Variants in VPS54 observed in about 807,000 individuals in gnomAD.
The protein encoded by VPS54 is VPS54 subunit of GARP complex, also known as vacuolar protein sorting-associated protein 54.
VPS54 carries 45 observed loss-of-function variants against 121.5 expected under a neutral mutation model. The ratio of observed to expected loss-of-function variants is 0.37; its 90% confidence interval spans 0.29 to 0.47. The LOEUF (loss-of-function observed/expected upper bound fraction) is 0.47. Among genes scored for constraint, VPS54 ranks in the 20% least tolerant of loss-of-function variants. VPS54 has a pLI of 0.99. For synonymous variants in VPS54, 371 were observed against 385.8 expected, an observed-to-expected ratio of 0.96 and a Z score of 0.45; for missense variants, 1,090 against 1,131.4, an observed-to-expected ratio of 0.96 and a Z score of 0.52.
In VPS54 at chr2:63,968,995, T is replaced by C. The variant is rs1165026121; in HGVS notation, c.458-4A>G. On this transcript the variant is annotated splice_region_variant and splice_polypyrimidine_tract_variant and intron_variant, in intron 4 of 22. Coordinates refer to ENST00000272322, the MANE Select transcript of VPS54 (RefSeq NM_016516.3). ...TCCAGATCTGTCCTGGATTTATCTA[T>C]TTAAAAAAGAAGGGAAATATTATTT... 6.3e-7 allele frequency: 1 copy of C among 1,596,288 alleles called. No individual in the cohort carries two copies. The highest frequency in any genetic ancestry group is 8.5e-7 in the Non-Finnish European group (1 of 1,171,456).
At chr2:64,002,061 C>G (rs1677908008) in intron 1 of VPS54, among the ~76,000 whole-genome samples, 1 of 152,216 alleles carries the variant, frequency 6.6e-6, no homozygotes, top group Non-Finnish European at 1.5e-5. Flanking sequence ...TAGGGCTGGT[C>G]TGAATGCTCC....
At chr2:63,974,807 C>G (rs1331071258) in intron 3 of VPS54, among the ~76,000 whole-genome samples, 3 of 152,098 alleles carry the variant, frequency 2.0e-5, no homozygotes, top group Non-Finnish European at 4.4e-5. Flanking sequence ...ACTATAGTCA[C>G]TTATTAGTTC....
chr2:63,936,337 A>G (rs917547015), intron 11 of VPS54, among the ~76,000 whole-genome samples: 3 of 149,448 alleles, frequency 2.0e-5, no homozygotes, highest in African/African-American at 7.2e-5. Context: ...GTATCCAAAA[A>G]ATAAGATTTT....
At chr2:63,927,307 G>C (rs1409913729) in intron 12 of VPS54, among the ~76,000 whole-genome samples, 1 of 152,140 alleles carries the variant, frequency 6.6e-6, no homozygotes, top group Non-Finnish European at 1.5e-5. Flanking sequence ...AAGCTTGCAA[G>C]GGAAGGATCA....
chr2:63,912,570 G>A lies in VPS54; in HGVS notation c.2514C>T (p.Ser838=). 1 of 1,609,500 alleles carries A rather than the reference G, an allele frequency of 6.2e-7. No homozygotes were observed. The highest frequency in any genetic ancestry group is 1.1e-5 in the South Asian group (1 of 90,090). Reference sequence around the variant, plus strand: ...TGATATGATCAAAATGCCTAAGCATGCTATATTGCTTAGGTGGTAGTCGAG... The same window carrying A: ...TGATATGATCAAAATGCCTAAGCATACTATATTGCTTAGGTGGTAGTCGAG... ...FEARLPPKQY[S]MLRHFDHITK... is the part of the protein sequence containing the mutation. Residue 838 remains serine (S), a synonymous_variant, in exon 19 of 23, where the codon AGC becomes AGT. Transcript: ENST00000272322.
chr2:63,984,140 T>A, intron 1 of VPS54, 121 bp from the exon 2 acceptor site: 1 of 816,440 alleles, frequency 1.2e-6, no homozygotes, highest in South Asian at 3.0e-5. Flanking sequence ...GTAGGCAATT[T>A]GAATATTTGC....
chr2:63,963,085 T>C (rs994286941), intron 6 of VPS54, among the ~76,000 whole-genome samples: 1 of 152,136 alleles, frequency 6.6e-6, no homozygotes, highest in Non-Finnish European at 1.5e-5. Flanking sequence ...TAATCCAAGA[T>C]AGACTGATGG....
intron 2 of VPS54, 137 bp downstream of exon 2, chr2:63,983,727 C>T (rs747104361): frequency 7.9e-6 from 9 of 1,138,042 alleles, no homozygotes; most frequent in Non-Finnish European, 1.1e-5. Context: ...CAGGCGTGAG[C>T]CACCGTGCCC....
At chr2:64,014,206 A>C (rs1376230171) in intron 1 of VPS54, among the ~76,000 whole-genome samples, 1 of 152,242 alleles carries the variant, frequency 6.6e-6, no homozygotes, top group Admixed American at 6.5e-5. Context: ...AAAACCCTTC[A>C]AATACACAGG....
chr2:63,920,550 G>T lies in VPS54; in HGVS notation c.1947C>A (p.Thr649=). Residue 649 remains threonine (T), a synonymous_variant, in exon 14 of 23, where the codon ACC becomes ACA. Coordinates refer to ENST00000272322, the MANE Select transcript of VPS54 (RefSeq NM_016516.3). ...SRLMETFILD[T]EQICGRKSTS... ...TGCTTTTTCTTCCACAGATCTGTTC[G>T]GTGTCTAAAATGAATGTTTCCATTA... The T allele has an allele frequency of 6.3e-7, 1 of 1,576,886 alleles. No homozygotes were observed. The highest frequency in any genetic ancestry group is 1.2e-5 in the South Asian group (1 of 86,284).
At chr2:63,917,093 G>C in intron 15 of VPS54, 130 bp from the exon 16 acceptor site, 1 of 872,568 alleles carries the variant, frequency 1.1e-6, no homozygotes, top group Non-Finnish European at 1.8e-6. Context: ...TACTTCCTGG[G>C]AAACTATTTG....
At chr2:63,997,059 A>G (rs1337689855) in intron 1 of VPS54, among the ~76,000 whole-genome samples, 1 of 151,912 alleles carries the variant, frequency 6.6e-6, no homozygotes, top group African/African-American at 2.4e-5. Context: ...CTTTTGTACT[A>G]TTTCCCTTTA....
intron 4 of VPS54, 149 bp from the exon 5 acceptor site, chr2:63,969,140 T>C (rs1384184326): frequency 4.7e-6 from 3 of 634,134 alleles, no homozygotes; most frequent in East Asian, 5.8e-5. Context: ...AAGCACCTAT[T>C]ACATGCCTAG....
chr2:63,959,493 G>A (rs921607530), intron 7 of VPS54, among the ~76,000 whole-genome samples: 10 of 152,094 alleles, frequency 6.6e-5, no homozygotes, highest in Admixed American at 5.9e-4. Flanking sequence ...TGTTTTACAT[G>A]AAGAAATAAC....
At chr2:63,961,082 T>A (rs1675746684) in intron 7 of VPS54, among the ~76,000 whole-genome samples, 1 of 152,196 alleles carries the variant, frequency 6.6e-6, no homozygotes, top group East Asian at 1.9e-4. Flanking sequence ...CAGTAATTTG[T>A]CTGCTTCCTT....
chr2:64,006,221 A>G (rs900989920), intron 1 of VPS54, among the ~76,000 whole-genome samples: 1 of 152,256 alleles, frequency 6.6e-6, no homozygotes, highest in Non-Finnish European at 1.5e-5. Context: ...AAATGAATGA[A>G]TATCACAGAA....
chr2:64,001,384 C>T (rs982419308), intron 1 of VPS54, among the ~76,000 whole-genome samples: 4 of 152,174 alleles, frequency 2.6e-5, no homozygotes, highest in Non-Finnish European at 5.9e-5. Flanking sequence ...AAGGTGATAC[C>T]TAAGATACAA....
At chr2:64,002,151 T>C (rs1207208765) in intron 1 of VPS54, among the ~76,000 whole-genome samples, 1 of 152,176 alleles carries the variant, frequency 6.6e-6, no homozygotes, top group Non-Finnish European at 1.5e-5. Flanking sequence ...AGTCTCACAA[T>C]TGCTGCACTC....
intron 11 of VPS54, among the ~76,000 whole-genome samples, chr2:63,938,726 A>T (rs1377497082): frequency 6.6e-6 from 1 of 152,122 alleles, no homozygotes; most frequent in Non-Finnish European, 1.5e-5. Context: ...CAGCCTCCCA[A>T]AGTGCTGGGA....
Sources: gnomAD v4.1 joint callset for allele counts (sites outside exome capture counted in the v4.1 genomes callset) on GRCh38, gnomAD v4.1.1 for gene constraint, MANE v1.5 for transcripts, NCBI Gene and HGNC (gene_info 2026-07-23, HGNC 2026-07-21) for gene names.